Variants in SLC6A11 observed in about 807,000 individuals in gnomAD.
The protein encoded by SLC6A11 is solute carrier family 6 member 11, also known as sodium- and chloride-dependent GABA transporter 3.
Under a neutral mutation model 74.8 loss-of-function variants are expected in SLC6A11, and 25 were observed. The ratio of observed to expected loss-of-function variants is 0.33; its 90% CI spans 0.24 to 0.47. The LOEUF (loss-of-function observed/expected upper bound fraction) is 0.47. SLC6A11 is among the 20% of genes least tolerant of loss of function. The pLI, the probability that SLC6A11 is intolerant of heterozygous loss-of-function variation, is 1.00. For missense variants in SLC6A11, 574 were observed against 837.0 expected (o/e 0.69, Z 3.88); for synonymous variants, 330 against 330.2 (o/e 1.00, Z 0.01).
chr3:10,904,036 T>C (rs1695273156), intron 6 of SLC6A11, among the ~76,000 whole-genome samples: 1 of 152,264 alleles, frequency 6.6e-6, no homozygotes, highest in Admixed American at 6.5e-5. Context: ...CTGGGGATGA[T>C]GATGCTCACC....
intron 10 of SLC6A11, among the ~76,000 whole-genome samples, chr3:10,931,458 C>T (rs1299342901): frequency 1.3e-5 from 2 of 152,166 alleles, no homozygotes; most frequent in Non-Finnish European, 2.9e-5. Flanking sequence ...AGAGGTGCCT[C>T]AGACCTGCTC....
At chr3:10,860,668 G>A (rs999448) in intron 5 of SLC6A11, among the ~76,000 whole-genome samples, 12,870 of 152,252 alleles carry the variant, frequency 0.085, 762 homozygotes, top group African/African-American at 0.15. Context: ...CTTCCATGGC[G>A]TGCTGGAACT....
chr3:10,877,304 T>C (rs1465613766), intron 6 of SLC6A11, among the ~76,000 whole-genome samples: 1 of 152,194 alleles, frequency 6.6e-6, no homozygotes, highest in East Asian at 1.9e-4. Flanking sequence ...GAAGCAGTTA[T>C]ACTCATGGAT....
At chr3:10,892,895 G>A (rs1462975683) in intron 6 of SLC6A11, among the ~76,000 whole-genome samples, 1 of 152,168 alleles carries the variant, frequency 6.6e-6, no homozygotes, top group East Asian at 1.9e-4. Context: ...AAACGGGTTG[G>A]GTGAATGTCA....
intron 6 of SLC6A11, among the ~76,000 whole-genome samples, chr3:10,905,488 T>G (rs1294138603): frequency 6.6e-6 from 1 of 152,266 alleles, no homozygotes; most frequent in East Asian, 1.9e-4. Flanking sequence ...GGGGCTATGC[T>G]TTAATCTTTG....
chr3:10,912,923 T>G (rs561946593), intron 7 of SLC6A11, among the ~76,000 whole-genome samples: 1 of 152,072 alleles, frequency 6.6e-6, no homozygotes, highest in Non-Finnish European at 1.5e-5. Context: ...TAGGTTAATA[T>G]TTCATGGTAG....
Position 10,816,608 on chromosome 3 carries a change from C to A in SLC6A11, c.256+87C>A. 1 of 1,336,816 alleles carries A rather than the reference C, an allele frequency of 7.5e-7. No individual in the cohort carries two copies. The highest frequency in any genetic ancestry group is 9.9e-7 in the Non-Finnish European group (1 of 1,006,426). The allele number at this position is 1,336,816 out of a possible 1,614,324, so 82.8% of individuals were successfully genotyped here. ...GGGGCGAGCGCGAGACCCCCTCCCG[C>A]GCCTGCGTGGAGCGGAACCCGAGCG... On this transcript the variant is annotated intron_variant, in intron 1 of 13. Transcript: ENST00000254488. This position sits in a 1 kb window ranked among gnomAD's most constrained non-coding sequence, Gnocchi z 4.2.
chr3:10,864,051 A>C (rs2106596431), intron 5 of SLC6A11, among the ~76,000 whole-genome samples: 1 of 152,062 alleles, frequency 6.6e-6, no homozygotes, highest in Middle Eastern at 3.4e-3. Flanking sequence ...GGAAATGATA[A>C]ATGTCAGTCC....
intron 4 of SLC6A11, among the ~76,000 whole-genome samples, chr3:10,836,649 T>G (rs948702722): frequency 2.0e-5 from 3 of 152,252 alleles, no homozygotes; most frequent in Non-Finnish European, 2.9e-5. Flanking sequence ...TGTACAAATG[T>G]ATTTGTTTCA....
intron 1 of SLC6A11, among the ~76,000 whole-genome samples, chr3:10,817,866 C>T (rs974302610): frequency 2.6e-5 from 4 of 152,280 alleles, no homozygotes; most frequent in Non-Finnish European, 4.4e-5. Context: ...CCTGTGCTCT[C>T]GGCTGTGAAT....
intron 5 of SLC6A11, among the ~76,000 whole-genome samples, chr3:10,865,638 G>T (rs1694754745): frequency 6.6e-6 from 1 of 152,158 alleles, no homozygotes; most frequent in Admixed American, 6.5e-5. Flanking sequence ...ACTCCAGCCT[G>T]GCTACAGAGT....
intron 6 of SLC6A11, among the ~76,000 whole-genome samples, chr3:10,897,757 G>C (rs895948018): frequency 6.6e-6 from 1 of 152,200 alleles, no homozygotes; most frequent in African/African-American, 2.4e-5. Context: ...GGATCTGGAG[G>C]ACAGTGGTCC....
intron 4 of SLC6A11, among the ~76,000 whole-genome samples, chr3:10,843,660 G>T (rs1559557685): frequency 6.6e-6 from 1 of 152,182 alleles, no homozygotes; most frequent in African/African-American, 2.4e-5. Flanking sequence ...TGACACAGTG[G>T]CAGGTGGTCA....
At chr3:10,848,434 C>A (rs1559559213) in intron 5 of SLC6A11, among the ~76,000 whole-genome samples, 1 of 152,216 alleles carries the variant, frequency 6.6e-6, no homozygotes, top group Non-Finnish European at 1.5e-5. Context: ...GCCTCACAAC[C>A]TTTTGATGCT....
At chr3:10,863,114 G>T (rs1341707263) in intron 5 of SLC6A11, among the ~76,000 whole-genome samples, 1 of 152,228 alleles carries the variant, frequency 6.6e-6, no homozygotes, top group Non-Finnish European at 1.5e-5. Context: ...GTCCATGTAG[G>T]TCTTCCCAGG....
chr3:10,857,432 T>C (rs999992444), intron 5 of SLC6A11, among the ~76,000 whole-genome samples: 4 of 152,092 alleles, frequency 2.6e-5, no homozygotes, highest in Admixed American at 2.6e-4. Context: ...TTTGGGAAAG[T>C]GGAGGTGGCA....
chr3:10,883,068 G>T (rs1695002234), intron 6 of SLC6A11, among the ~76,000 whole-genome samples: 1 of 152,114 alleles, frequency 6.6e-6, no homozygotes, highest in Non-Finnish European at 1.5e-5. Context: ...CGGGGAGGTG[G>T]GGGGGCGCTT....
chr3:10,917,181 G>T (rs1428499488), intron 7 of SLC6A11, among the ~76,000 whole-genome samples: 2 of 152,212 alleles, frequency 1.3e-5, no homozygotes, highest in Non-Finnish European at 2.9e-5. Flanking sequence ...ATTATCTTCA[G>T]ATCTCCCAAG....
rs549768664 is a variant in SLC6A11 at position 10,892,264 on chromosome 3, C to T, written c.891+17169C>T. On this transcript the variant is annotated intron_variant, in intron 6 of 13. Transcript: ENST00000254488. ...CCAAGCGCTGGAAAGCCCTACAGGG[C>T]GAGTGCTGAGTCCTGCATAATGTTC... is the stretch of plus-strand genomic sequence containing the variant. Among the ~76,000 whole-genome samples the T allele has an allele frequency of 9.8e-5, 15 of 152,370 alleles. No homozygotes were observed. The South Asian group carries it at 1.9e-3, about 19-fold the overall frequency.
Sources: allele counts gnomAD v4.1 joint callset (sites outside exome capture counted in the v4.1 genomes callset), GRCh38; gene constraint gnomAD v4.1.1; non-coding constraint Gnocchi (gnomAD v3.1); transcripts MANE v1.5; gene names NCBI Gene and HGNC (gene_info 2026-07-23, HGNC 2026-07-21).